Variants in TCERG1L observed in about 807,000 individuals in gnomAD.
TCERG1L encodes transcription elongation regulator 1-like protein.
TCERG1L carries 37 observed loss-of-function variants against 56.3 expected under a neutral mutation model. That is an observed-to-expected ratio of 0.66 (90% CI 0.51 to 0.87). The LOEUF is 0.87. Ranked by LOEUF, TCERG1L falls within the 40% of genes least tolerant of loss-of-function variation. The pLI is 0.00. For synonymous variants in TCERG1L, 324 were observed against 326.3 expected (o/e 0.99, Z 0.08); for missense variants, 799 against 774.2 (o/e 1.03, Z -0.38).
chr10:131,268,185 G>T (rs1846305514), intron 3 of TCERG1L, among the ~76,000 whole-genome samples: 1 of 152,206 alleles, frequency 6.6e-6, no homozygotes, highest in South Asian at 2.1e-4. Context: ...AGACCCAGCT[G>T]CACCTCCCTG....
intron 4 of TCERG1L, among the ~76,000 whole-genome samples, chr10:131,168,177 T>C (rs1419781181): frequency 6.6e-6 from 1 of 152,190 alleles, no homozygotes; most frequent in African/African-American, 2.4e-5. Context: ...CAGGTGCGTA[T>C]ATGCACACAC....
chr10:131,104,697 G>C (rs4750850), intron 9 of TCERG1L, among the ~76,000 whole-genome samples: 25,558 of 152,128 alleles, frequency 0.17, 2,500 homozygotes, highest in Non-Finnish European at 0.22. Context: ...AAAATTTTCA[G>C]AACCCCCACA....
rs144164402 is a variant in TCERG1L at position 131,244,529 on chromosome 10, C to T, written c.856+15730G>A. Among the ~76,000 whole-genome samples, 454 of 152,110 alleles carry T rather than the reference C, an allele frequency of 3.0e-3. 4 individuals carry two copies. The highest frequency in any genetic ancestry group is 0.011 in the African/African-American group (437 of 41,480). On this transcript the variant is annotated intron_variant, in intron 4 of 11. Transcript: ENST00000368642. ...AGAAACTGCAAGAAGTGTGATGCCC[C>T]CATGGTTGAGGTGGAGGGGACAGTT... is the stretch of plus-strand genomic sequence containing the variant.
Position 131,298,619 on chromosome 10 carries a change from G to A in TCERG1L, c.670+9592C>T, listed in dbSNP as rs1846723063. 2.0e-5 allele frequency among the ~76,000 whole-genome samples: 3 copies of A among 152,098 alleles called. No homozygotes were observed. The South Asian group carries it at 6.2e-4, about 32-fold the overall frequency. On this transcript the variant is annotated intron_variant, in intron 3 of 11. Transcript: ENST00000368642. Reference sequence around the variant, plus strand: ...AGTAGAGACAGGGTTTTGCCATGTTGGCCAGGCTGGTCCCGAACTCCTGAC... The same window carrying A: ...AGTAGAGACAGGGTTTTGCCATGTTAGCCAGGCTGGTCCCGAACTCCTGAC...
intron 9 of TCERG1L, among the ~76,000 whole-genome samples, chr10:131,104,717 A>G (rs1845335001): frequency 6.6e-6 from 1 of 152,232 alleles, no homozygotes; most frequent in Admixed American, 6.5e-5. Flanking sequence ...AGACCATAAC[A>G]AAGAGTAATG....
At chr10:131,171,374 C>A (rs1846091746) in intron 4 of TCERG1L, among the ~76,000 whole-genome samples, 1 of 152,030 alleles carries the variant, frequency 6.6e-6, no homozygotes, top group African/African-American at 2.4e-5. Flanking sequence ...TATTGCGCTT[C>A]TCAGTCATTA....
Position 131,093,247 on chromosome 10 carries a change from T to C in TCERG1L, c.1676A>G (p.Asp559Gly). The C allele has an allele frequency of 3.7e-6, 6 of 1,613,992 alleles. No homozygotes were observed. Among genetic ancestry groups the C allele is most frequent in the Non-Finnish European group, 5.1e-6 (6 of 1,179,860 alleles). The change falls in exon 12 of 12, where the codon GAC becomes GGC. Residue 559 changes from aspartate (D) to glycine (G), a missense_variant. Transcript: ENST00000368642. Reference sequence around the variant, plus strand: ...GAATTGGTTGAAAAAATGCTCCTGGTCCTTTCTTTTTTGAACAAGTCGGAA... The same window carrying C: ...GAATTGGTTGAAAAAATGCTCCTGGCCCTTTCTTTTTTGAACAAGTCGGAA... ...QRFRLVQKRK[D>G]QEHFFNQFIL...
At chr10:131,155,630 C>G (rs939075907) in intron 6 of TCERG1L, among the ~76,000 whole-genome samples, 2 of 152,204 alleles carry the variant, frequency 1.3e-5, no homozygotes, top group East Asian at 3.9e-4. Context: ...CTGATCTCCC[C>G]GCCAGTCGCC....
intron 4 of TCERG1L, among the ~76,000 whole-genome samples, chr10:131,225,094 C>T (rs1247783777): frequency 1.3e-5 from 2 of 152,104 alleles, no homozygotes; most frequent in South Asian, 2.1e-4. Context: ...CAAAGAGGTT[C>T]CCAAGACCCA....
intron 6 of TCERG1L, among the ~76,000 whole-genome samples, chr10:131,157,817 C>T (rs181994035): frequency 6.6e-6 from 1 of 152,314 alleles, no homozygotes; most frequent in Admixed American, 6.5e-5. Flanking sequence ...CCTTAAAATA[C>T]CATGCCTGGG....
At position 131,227,358 on chromosome 10, in the gene TCERG1L, G is replaced by A. The variant is rs549121332; in HGVS notation, c.856+32901C>T. On this transcript the variant is annotated intron_variant, in intron 4 of 11. Transcript: ENST00000368642. ...TTAGAAGAGTAGAGTCCCCTTGGGT[G>A]GACACGCGGTGTGGGCAGAGCTGGA... Among the ~76,000 whole-genome samples, 28 of 152,354 alleles carry A rather than the reference G, an allele frequency of 1.8e-4. No individual in the cohort carries two copies. In the East Asian group the frequency reaches 3.3e-3, roughly 18 times the overall value.
At chr10:131,289,403 C>T (rs72849467) in intron 3 of TCERG1L, among the ~76,000 whole-genome samples, 8,173 of 152,290 alleles carry the variant, frequency 0.054, 321 homozygotes, top group Non-Finnish European at 0.081. Context: ...AAAGTGCCCA[C>T]TTATCCCAGC....
At chr10:131,244,110 A>G (rs1330838975) in intron 4 of TCERG1L, among the ~76,000 whole-genome samples, 14 of 152,258 alleles carry the variant, frequency 9.2e-5, no homozygotes, top group Admixed American at 9.2e-4. Context: ...ATTATAAAGG[A>G]AAAGTTAACT....
chr10:131,244,317 G>A (rs1846005405), intron 4 of TCERG1L, among the ~76,000 whole-genome samples: 1 of 152,130 alleles, frequency 6.6e-6, no homozygotes, highest in African/African-American at 2.4e-5. Flanking sequence ...AGAAGTGTCA[G>A]GTGCACCCAC....
intron 4 of TCERG1L, among the ~76,000 whole-genome samples, chr10:131,173,465 C>T (rs1404689739): frequency 2.6e-5 from 4 of 152,220 alleles, no homozygotes; most frequent in East Asian, 1.9e-4. Context: ...AGTCAGGGCC[C>T]GTTGTATATG....
At chr10:131,127,190 A>G (rs1197600136) in intron 8 of TCERG1L, among the ~76,000 whole-genome samples, 1 of 152,196 alleles carries the variant, frequency 6.6e-6, no homozygotes, top group African/African-American at 2.4e-5. Flanking sequence ...CCAGAGTCTA[A>G]GCACACCGAA....
intron 4 of TCERG1L, among the ~76,000 whole-genome samples, chr10:131,209,042 A>T (rs1845584526): frequency 7.5e-6 from 1 of 132,774 alleles, no homozygotes; most frequent in Non-Finnish European, 1.6e-5. Context: ...TGGGTGACAG[A>T]GCGAGACTCT....
chr10:131,163,565 G>C (rs1350890031), intron 5 of TCERG1L, among the ~76,000 whole-genome samples: 1 of 152,214 alleles, frequency 6.6e-6, no homozygotes, highest in Non-Finnish European at 1.5e-5. Flanking sequence ...GAAATGAGCT[G>C]ACCCAGCGGT....
At chr10:131,165,295 G>T (rs535488165) in intron 5 of TCERG1L, among the ~76,000 whole-genome samples, 45 of 152,332 alleles carry the variant, frequency 3.0e-4, no homozygotes, top group African/African-American at 1.0e-3. Flanking sequence ...TCCAGCGTGA[G>T]GGTGAACCTG....
Sources: allele counts gnomAD v4.1 joint callset (sites outside exome capture counted in the v4.1 genomes callset), GRCh38; gene constraint gnomAD v4.1.1; transcripts MANE v1.5; gene names NCBI Gene and HGNC (gene_info 2026-07-23, HGNC 2026-07-21).